The following DNAH14 variants were observed in gnomAD, a reference collection of about 807,000 sequenced individuals.
DNAH14 encodes axonemal beta dynein heavy chain 14.
Under a neutral mutation model 520.9 loss-of-function variants are expected in DNAH14, and 478 were observed. The observed-to-expected ratio is 0.92, with a 90% CI of 0.85 to 0.99. DNAH14 has a LOEUF of 0.99. Ranked by LOEUF, DNAH14 falls within the 50% of genes least tolerant of loss-of-function variation. The pLI is 0.00. For synonymous variants in DNAH14, 1,581 were observed against 1,757.2 expected (o/e 0.90, Z 2.51); for missense variants, 4,831 against 5,234.5 (o/e 0.92, Z 2.38).
chr1:225,029,581 G>A (rs1177042755), intron 11 of DNAH14, among the ~76,000 whole-genome samples: 6 of 151,950 alleles, frequency 3.9e-5, no homozygotes, highest in Admixed American at 1.3e-4. Flanking sequence ...GGAAGGGAGA[G>A]ATATTAATCT....
intron 17 of DNAH14, among the ~76,000 whole-genome samples, chr1:225,053,321 C>T (rs1347166157): frequency 6.6e-6 from 1 of 152,018 alleles, no homozygotes; most frequent in Non-Finnish European, 1.5e-5. Context: ...CTGAATGAAT[C>T]CAATTAGGTG....
At chr1:225,207,288 T>G in intron 41 of DNAH14, 68 bp downstream of exon 41, 2 of 1,376,354 alleles carry the variant, frequency 1.5e-6, no homozygotes, top group South Asian at 1.8e-5. Flanking sequence ...CATCACCGTC[T>G]ATTAGATTTT....
At chr1:225,355,334 G>T (rs765006573) in intron 73 of DNAH14, among the ~76,000 whole-genome samples, 1 of 152,002 alleles carries the variant, frequency 6.6e-6, no homozygotes, top group African/African-American at 2.4e-5. Flanking sequence ...TAGTGCAGTG[G>T]TGTGATCACA....
rs2063371205 is a variant in DNAH14 at position 224,996,090 on chromosome 1, T to C, written c.831-6693T>C. 2.0e-5 allele frequency among the ~76,000 whole-genome samples: 3 copies of C among 152,118 alleles called. No homozygotes were observed. The South Asian group carries it at 6.2e-4, about 31-fold the overall frequency. On this transcript the variant is annotated intron_variant, in intron 8 of 85. Transcript: ENST00000682510. ...TTAGTTTCTTTGGGAGGTGTCATGATTTCCTGAGTCTTTGTAATCCCATGT... is the reference window on the plus strand; with the variant it reads ...TTAGTTTCTTTGGGAGGTGTCATGACTTCCTGAGTCTTTGTAATCCCATGT...
At chr1:225,332,561 G>A (rs1382140595) in intron 65 of DNAH14, among the ~76,000 whole-genome samples, 1 of 152,138 alleles carries the variant, frequency 6.6e-6, no homozygotes, top group Non-Finnish European at 1.5e-5. Context: ...AAACTCCAAA[G>A]GCGGTGTCAA....
intron 43 of DNAH14, among the ~76,000 whole-genome samples, chr1:225,250,480 CAAA>C (rs1212107353): frequency 6.6e-6 from 1 of 152,112 alleles, no homozygotes; most frequent in African/African-American, 2.4e-5. Context: ...TAAAGGAAAA[CAAA>C]GAAGAATATA....
At chr1:225,392,499 A>G (rs1343219212) in intron 84 of DNAH14, 48 bp downstream of exon 84, 38 of 1,543,362 alleles carry the variant, frequency 2.5e-5, no homozygotes, top group Non-Finnish European at 3.1e-5. Context: ...TCATTCATTC[A>G]TTTATTCATT....
At chr1:225,283,442 A>T (rs201320901) in intron 54 of DNAH14, among the ~76,000 whole-genome samples, 1 of 50,600 alleles carries the variant, frequency 2.0e-5, no homozygotes, top group African/African-American at 5.7e-5. Flanking sequence ...GACCAAAAAG[A>T]AAAAAAAAAA....
chr1:225,398,440 T>A (rs2096056081), intron 84 of DNAH14, 80 bp from the exon 85 acceptor site: 1 of 1,487,584 alleles, frequency 6.7e-7, no homozygotes, highest in African/African-American at 1.4e-5. Context: ...TCTGGATCGG[T>A]CGGCTCAATT....
intron 41 of DNAH14, among the ~76,000 whole-genome samples, chr1:225,213,691 T>A (rs1361978583): frequency 1.3e-5 from 2 of 152,200 alleles, no homozygotes; most frequent in African/African-American, 4.8e-5. Flanking sequence ...AGTTTACTCA[T>A]GATTTGGCTC....
intron 75 of DNAH14, among the ~76,000 whole-genome samples, chr1:225,361,360 C>A (rs927954902): frequency 2.6e-5 from 4 of 152,204 alleles, no homozygotes; most frequent in African/African-American, 9.7e-5. Flanking sequence ...TCCCAAAGCA[C>A]TTAGTCACTC....
intron 36 of DNAH14, among the ~76,000 whole-genome samples, chr1:225,180,009 T>C (rs1460445699): frequency 6.6e-6 from 1 of 152,156 alleles, no homozygotes; most frequent in Admixed American, 6.6e-5. Context: ...TTAAGTGTTA[T>C]TTGCTTCTTT....
chr1:225,008,125 C>T (rs374503870), intron 10 of DNAH14, among the ~76,000 whole-genome samples: 75 of 152,028 alleles, frequency 4.9e-4, no homozygotes, highest in African/African-American at 1.7e-3. Context: ...CTCCCTGTGC[C>T]CATATGTTCT....
chr1:224,955,303 TA>T (rs2060442233), intron 3 of DNAH14, among the ~76,000 whole-genome samples: 1 of 152,168 alleles, frequency 6.6e-6, no homozygotes, highest in East Asian at 1.9e-4. Context: ...AAGTAACGAA[TA>T]TTACTAATAC....
chr1:225,324,700 GT>G (rs75859387), intron 63 of DNAH14, 36 bp from the exon 64 acceptor site: 316,449 of 1,512,524 alleles, frequency 0.21, 34,748 homozygotes, highest in East Asian at 0.34. Context: ...TAAACCCGAC[GT>G]TTTTGACACT....
intron 13 of DNAH14, among the ~76,000 whole-genome samples, 162 bp downstream of exon 13, chr1:225,043,276 GAAAAAA>G (rs10671374): frequency 3.1e-3 from 301 of 98,162 alleles, no homozygotes; most frequent in African/African-American, 0.011. Flanking sequence ...GTCTCTTGGG[GAAAAAA>G]AAAAAAAAAA....
At chr1:224,979,147 A>T (rs1344432123) in intron 8 of DNAH14, among the ~76,000 whole-genome samples, 2 of 152,142 alleles carry the variant, frequency 1.3e-5, no homozygotes, top group Admixed American at 6.6e-5. Flanking sequence ...TTCCTTCATA[A>T]AAAAAGCATC....
At chr1:225,299,507 C>T (rs2094094267) in intron 55 of DNAH14, among the ~76,000 whole-genome samples, 1 of 152,178 alleles carries the variant, frequency 6.6e-6, no homozygotes, top group Non-Finnish European at 1.5e-5. Flanking sequence ...ATTCTCCCTT[C>T]ACCAAACTTA....
chr1:225,112,839 TATCA>T (rs1223150921), intron 23 of DNAH14, among the ~76,000 whole-genome samples: 1 of 152,076 alleles, frequency 6.6e-6, no homozygotes, highest in East Asian at 1.9e-4. Context: ...TTTTCAGTTA[TATCA>T]ATTTCTTTGT....
Sources: gnomAD v4.1 joint callset for allele counts (sites outside exome capture counted in the v4.1 genomes callset) on GRCh38, gnomAD v4.1.1 for gene constraint, MANE v1.5 for transcripts, NCBI Gene and HGNC (gene_info 2026-07-23, HGNC 2026-07-21) for gene names.